PZP: variants seen among roughly 807,000 people sequenced by gnomAD.
PZP encodes PZP alpha-2-macroglobulin like.
In PZP, 150 loss-of-function variants were observed where a neutral mutation model predicts 179.8. The ratio of observed to expected loss-of-function variants is 0.83; its 90% CI spans 0.73 to 0.96. PZP has a LOEUF of 0.96. Among genes scored for constraint, PZP ranks in the 40% least tolerant of loss-of-function variants. The pLI is 0.00. For synonymous variants in PZP, 624 were observed against 652.3 expected (o/e 0.96, Z 0.66); for missense variants, 1,689 against 1,764.0 (o/e 0.96, Z 0.76).
At chr12:9,158,620 C>T (rs1171737983) in intron 25 of PZP, 44 bp from the exon 26 acceptor site, 1 of 1,596,756 alleles carries the variant, frequency 6.3e-7, no homozygotes, top group South Asian at 1.1e-5. Context: ...TTTCATTGAG[C>T]ACTTTACTGC....
intron 28 of PZP, 22 bp from the exon 29 acceptor site, chr12:9,154,861 A>G (rs781770426): frequency 2.1e-5 from 33 of 1,592,840 alleles, no homozygotes; most frequent in Non-Finnish European, 2.5e-5. Context: ...GAAAAAGGAG[A>G]TAATTGTAAC....
intron 8 of PZP, 101 bp from the exon 9 acceptor site, chr12:9,196,786 A>C: frequency 1.0e-6 from 1 of 959,052 alleles, no homozygotes; most frequent in Non-Finnish European, 1.6e-6. Flanking sequence ...TTTTTTTTGC[A>C]TTAAGTAAGT....
chr12:9,166,817 G>C (rs1941617598), intron 17 of PZP, among the ~76,000 whole-genome samples: 1 of 152,114 alleles, frequency 6.6e-6, no homozygotes, highest in South Asian at 2.1e-4. Context: ...GTGTGGTTCA[G>C]ACAAAGAAAT....
At chr12:9,190,271 G>A (rs1339785281) in intron 13 of PZP, among the ~76,000 whole-genome samples, 1 of 152,112 alleles carries the variant, frequency 6.6e-6, no homozygotes, top group African/African-American at 2.4e-5. Context: ...GTGGAAGACT[G>A]AATAAAGAAA....
At chr12:9,169,822 T>C (rs1460307930) in intron 15 of PZP, 1 of 379,158 alleles carries the variant, frequency 2.6e-6, no homozygotes, top group African/African-American at 2.1e-5. Flanking sequence ...TCTTAAGTTA[T>C]GAAGGATTAA....
At position 9,161,049 on chromosome 12, in the gene PZP, A is replaced by C. The variant is rs776521644; in HGVS notation, c.2856T>G (p.Ala952=). 1.3e-6 allele frequency: 2 copies of C among 1,595,102 alleles called. No homozygotes were observed. Residue 952 remains alanine, a synonymous_variant, in exon 23 of 36, where the codon GCT becomes GCG. Coordinates refer to ENST00000261336, the MANE Select transcript of PZP (RefSeq NM_002864.3). Reference sequence around the variant, plus strand: ...GTGACTCACCCAGAACTGAGAAAGAAGCTCTGGCAGATTCTTTGACCACAT... The same window carrying C: ...GTGACTCACCCAGAACTGAGAAAGACGCTCTGGCAGATTCTTTGACCACAT... ...PSNVVKESAR[A]SFSVLGDILG...
intron 5 of PZP, 103 bp downstream of exon 5, chr12:9,201,224 A>T (rs747653865): frequency 5.1e-5 from 68 of 1,337,912 alleles, no homozygotes; most frequent in Middle Eastern, 1.9e-4. Flanking sequence ...AGGAATTCAG[A>T]TCTGAAAATT....
intron 21 of PZP, 70 bp downstream of exon 21, chr12:9,163,598 T>C: frequency 6.5e-7 from 1 of 1,528,276 alleles, no homozygotes; most frequent in Non-Finnish European, 8.9e-7. Context: ...TAATGGTTCT[T>C]TGTTGTCTCA....
downstream of PZP, among the ~76,000 whole-genome samples, chr12:9,145,284 T>A (rs1048801049): frequency 6.6e-6 from 1 of 152,148 alleles, no homozygotes; most frequent in African/African-American, 2.4e-5. Flanking sequence ...TGTTTTATTG[T>A]TTTTTTGTGT....
intron 13 of PZP, among the ~76,000 whole-genome samples, chr12:9,189,055 G>T (rs764634317): frequency 1.3e-5 from 2 of 152,126 alleles, no homozygotes; most frequent in African/African-American, 4.8e-5. Context: ...TCAATATCAT[G>T]AAAATGGTCA....
chr12:9,192,454 A>G (rs1051144483), intron 12 of PZP, 58 bp downstream of exon 12: 3 of 1,497,202 alleles, frequency 2.0e-6, no homozygotes, highest in African/African-American at 1.4e-5. Context: ...TCCTGAGCCT[A>G]TTGACCACTT....
downstream of PZP, among the ~76,000 whole-genome samples, chr12:9,144,662 G>A (rs372587091): frequency 1.3e-5 from 2 of 152,158 alleles, no homozygotes; most frequent in African/African-American, 4.8e-5. Context: ...GTATTTAAGG[G>A]TTTTAGGGTG....
In PZP at chr12:9,160,153, A is replaced by ATTTTG. The variant is rs1941069656; in HGVS notation, c.3050-129_3050-128insCAAAA. The ATTTTG allele has an allele frequency of 3.5e-6, 4 of 1,138,920 alleles. No homozygotes were observed. In the Admixed American group the frequency reaches 8.8e-5, roughly 25 times the overall value. The allele number at this position is 1,138,920 out of a possible 1,614,324, so 70.6% of individuals were successfully genotyped here. On this transcript the variant is annotated intron_variant, in intron 24 of 35. Transcript: ENST00000261336. ...TCTGTGATCTGCCATAGTTTTGTGA[A>ATTTTG]TGTTATGGATAGATCAAACACAACA...
chr12:9,141,500 C>T, the PZP span, among the ~76,000 whole-genome samples: 20 of 152,224 alleles, frequency 1.3e-4, no homozygotes, highest in East Asian at 3.9e-3. Flanking sequence ...ACCCACTGTG[C>T]TTTTATTTTA....
rs1305793887 is a variant in PZP, at chr12:9,192,616, C to G, written c.1378G>C (p.Val460Leu). 1 of 1,614,070 alleles carries G rather than the reference C, an allele frequency of 6.2e-7. No homozygotes were observed. The highest frequency in any genetic ancestry group is 8.5e-7 in the Non-Finnish European group (1 of 1,180,026). The change falls in exon 12 of 36, where the codon GTG becomes CTG. Residue 460 changes from valine to leucine, a missense_variant. This residue lies in a region of PZP where 742 missense variants were observed against 730.5 expected (regional missense o/e 1.02). Transcript: ENST00000261336. ...TGGCCACAGGGCAGGGTACCAGCCA[C>G]AGGCTCCAGGTGAATGTAACTTCCA... ...LSGSYIHLEP[V>L]AGTLPCGHTE...
chr12:9,182,938 T>G (rs1942866115), intron 13 of PZP, among the ~76,000 whole-genome samples: 1 of 152,214 alleles, frequency 6.6e-6, no homozygotes, highest in African/African-American at 2.4e-5. Context: ...CTGTCCCAGA[T>G]TCCCAGCTAT....
chr12:9,152,416 C>T, intron 31 of PZP, 106 bp from the exon 32 acceptor site: 3 of 814,826 alleles, frequency 3.7e-6, no homozygotes, highest in Non-Finnish European at 6.2e-6. Context: ...GAAGTTGTCC[C>T]TAATATTCTA....
At chr12:9,186,946 C>T (rs1032535465) in intron 13 of PZP, among the ~76,000 whole-genome samples, 1 of 151,348 alleles carries the variant, frequency 6.6e-6, no homozygotes, top group Non-Finnish European at 1.5e-5. Context: ...ACATGTACAC[C>T]TATGTAACAA....
At chr12:9,192,783 C>T (rs751899407) in intron 11 of PZP, 44 bp from the exon 12 acceptor site, 3 of 1,377,518 alleles carry the variant, frequency 2.2e-6, no homozygotes, top group Admixed American at 1.8e-5. Context: ...TCTTGAAATT[C>T]TTCACCTTAG....
Sources: allele counts gnomAD v4.1 joint callset (sites outside exome capture counted in the v4.1 genomes callset), GRCh38; gene constraint gnomAD v4.1.1; regional missense constraint gnomAD v4.1.1; transcripts MANE v1.5; gene names NCBI Gene and HGNC (gene_info 2026-07-23, HGNC 2026-07-21).